Variants in FTSJ3 observed in about 807,000 individuals in gnomAD.
FTSJ3 encodes the protein pre-rRNA 2'-O-ribose RNA methyltransferase FTSJ3.
In FTSJ3, 46 loss-of-function variants were observed where a neutral mutation model predicts 111.5. The ratio of observed to expected loss-of-function variants is 0.41; its 90% CI spans 0.33 to 0.53. The LOEUF is 0.53. Ranked by LOEUF, FTSJ3 falls within the 20% of genes least tolerant of loss-of-function variation. FTSJ3 has a pLI of 0.19. For missense variants in FTSJ3, 1,075 were observed against 1,063.8 expected (o/e 1.01, Z -0.15); for synonymous variants, 408 against 383.0 (o/e 1.07, Z -0.76).
At position 63,820,102 on chromosome 17, in the gene FTSJ3, T is replaced by G. The variant is rs190641756; in HGVS notation, c.2328A>C (p.Arg776=). 22 of 1,614,152 alleles carry G rather than the reference T, an allele frequency of 1.4e-5. No homozygotes were observed. The African/African-American group carries it at 2.7e-4, about 20-fold the overall frequency. The part of the protein sequence containing the change: ...AVVNTVDISE[R]EKVAQLRSLY... ...ACCTTCGCAGCTGTGCCACTTTCTC[T>G]CGTTCTGAGATGTCCACTGTGTTCA... The change falls in exon 20 of 21, where the codon CGA becomes CGC. Residue 776 remains arginine (R), a synonymous_variant. Transcript: ENST00000427159.
intron 10 of FTSJ3, 95 bp downstream of exon 10, chr17:63,824,542 C>T: frequency 2.8e-6 from 4 of 1,432,346 alleles, no homozygotes; most frequent in South Asian, 1.1e-5. Flanking sequence ...CATCCCAAAC[C>T]TTTAGCACAG....
At chr17:63,826,767 G>T (rs1349969615) in intron 2 of FTSJ3, 69 bp downstream of exon 2, 23 of 1,572,674 alleles carry the variant, frequency 1.5e-5, no homozygotes, top group Non-Finnish European at 1.9e-5. Context: ...GTACATAATG[G>T]TCGCAAAGAG....
chr17:63,820,007 A>G lies in FTSJ3; in HGVS notation c.2352-13T>C. The G allele has an allele frequency of 1.2e-6, 2 of 1,613,930 alleles. No homozygotes were observed. Among genetic ancestry groups the G allele is most frequent in the Non-Finnish European group, 1.7e-6 (2 of 1,179,882 alleles). On this transcript the variant is annotated splice_polypyrimidine_tract_variant and intron_variant, in intron 20 of 20. Transcript: ENST00000427159. ...CTTCTTGTAGAGACTACAGGGGGGAAGAGAAGAGGTTAGAGGCTTGCTTTC... is the reference window on the plus strand; with the variant it reads ...CTTCTTGTAGAGACTACAGGGGGGAGGAGAAGAGGTTAGAGGCTTGCTTTC...
At chr17:63,823,241 CAAGT>C (rs567807076) in intron 13 of FTSJ3, among the ~76,000 whole-genome samples, 70 of 152,330 alleles carry the variant, frequency 4.6e-4, no homozygotes, top group African/African-American at 1.5e-3. Flanking sequence ...GCTTGAAACT[CAAGT>C]AACCTGGCAG....
Position 63,827,382 on chromosome 17 carries a change from C to T in FTSJ3, c.-357G>A. 1.4e-6 allele frequency: 2 copies of T among 1,477,454 alleles called. No individual in the cohort carries two copies. The highest frequency in any genetic ancestry group is 1.4e-5 in the African/African-American group (1 of 71,758). The allele number at this position is 1,477,454 out of a possible 1,614,324, so 91.5% of individuals were successfully genotyped here. A position where few individuals can be genotyped will look rare whatever the true frequency, so the allele number is the denominator to read the frequency against. ...AGTGTGGTCTCGCCGCACACCCCGC[C>T]CATTGACCCGGAATTCTTCTCTGCC... On this transcript the variant is annotated 5_prime_UTR_variant, in exon 1 of 21. Transcript: ENST00000427159.
Position 63,821,683 on chromosome 17 carries a change from G to C in FTSJ3, c.1596+40C>G, listed in dbSNP as rs754147480. The stretch of plus-strand genomic sequence containing the variant: ...CATCAGCTGCCCTTCTCCCAAGGAA[G>C]ACTCATCTCCCCGCAGTCTTGCCCC... On this transcript the variant is annotated intron_variant, in intron 15 of 20. Coordinates refer to ENST00000427159, the MANE Select transcript of FTSJ3 (RefSeq NM_017647.4). 2.6e-5 allele frequency: 42 copies of C among 1,614,058 alleles called. No individual in the cohort carries two copies. In the South Asian group the frequency reaches 3.1e-4, roughly 12 times the overall value.
At chr17:63,820,509 G>T in intron 18 of FTSJ3, 71 bp from the exon 19 acceptor site, 1 of 1,485,136 alleles carries the variant, frequency 6.7e-7, no homozygotes, top group Non-Finnish European at 9.3e-7. Flanking sequence ...GACTGGGCAC[G>T]GTGGCTCACG....
intron 5 of FTSJ3, 50 bp from the exon 6 acceptor site, chr17:63,825,685 G>C: frequency 2.0e-6 from 3 of 1,513,768 alleles, no homozygotes; most frequent in Non-Finnish European, 2.7e-6. Context: ...GAATGGCCCT[G>C]GTTCAGCCAT....
rs145737090 is a variant in FTSJ3, at chr17:63,826,400, G to A, written c.174-96C>T. On this transcript the variant is annotated intron_variant, in intron 3 of 20. Transcript: ENST00000427159. The stretch of plus-strand genomic sequence containing the variant: ...CCTGGTGTTACGTGTACTGGCCAAA[G>A]CATATCATAGGCACGTATTCCAAGC... 1.9e-4 allele frequency: 244 copies of A among 1,259,068 alleles called. No individual in the cohort carries two copies. The East Asian group carries it at 4.6e-3, about 24-fold the overall frequency. 78.0% of individuals were successfully genotyped at this position (1,259,068 alleles called of 1,614,324 possible).
chr17:63,823,891 C>G lies in FTSJ3; in HGVS notation c.1216G>C (p.Asp406His), dbSNP rs1287929626. 52 of 1,614,084 alleles carry G rather than the reference C, an allele frequency of 3.2e-5. No individual in the cohort carries two copies. Among genetic ancestry groups the G allele is most frequent in the Non-Finnish European group, 4.3e-5 (51 of 1,180,046 alleles). Residue 406 changes from aspartate to histidine, a missense_variant, in exon 13 of 21, where the codon GAT becomes CAT. Physicochemically the swap from Asp to His is moderately conservative, Grantham distance 81. Around this residue, in one of 2 missense-constraint regions of FTSJ3, gnomAD observed 867 missense variants for 796.9 expected, o/e 1.09. Transcript: ENST00000427159. ...TCTGCAATGGAAACCCCAGGCAGAT[C>G]CATCTTCAGCTCCACACGCTCCCGC... ...KQRERVELKM[D>H]LPGVSIADEG...
chr17:63,824,383 G>C lies in FTSJ3; in HGVS notation c.946C>G (p.Arg316Gly). The change falls in exon 11 of 21, where the codon CGG (arginine) becomes GGG (glycine). Residue 316 changes from arginine (R) to glycine (G), a missense_variant. Physicochemically the swap from Arg to Gly is moderately radical, Grantham distance 125. Coordinates refer to ENST00000427159, the MANE Select transcript of FTSJ3 (RefSeq NM_017647.4). ...RSLLNWRTKL[R>G]RYVAKKLKEQ... ...TTCAGCTTCTTGGCCACATATCGCC[G>C]AAGTTTTGTTCTCCAGTTTAGTAGC... 6.2e-7 allele frequency: 1 copy of C among 1,614,106 alleles called. No individual in the cohort carries two copies. The highest frequency in any genetic ancestry group is 8.5e-7 in the Non-Finnish European group (1 of 1,180,028).
chr17:63,824,394 C>T lies in FTSJ3; in HGVS notation c.935G>A (p.Arg312Lys). ...GGCCACATATCGCCGAAGTTTTGTTCTCCAGTTTAGTAGCGACCTGCCCCA... is the reference window on the plus strand; with the variant it reads ...GGCCACATATCGCCGAAGTTTTGTTTTCCAGTTTAGTAGCGACCTGCCCCA... ...RKELRSLLNW[R>K]TKLRRYVAKK... Residue 312 changes from arginine (R) to lysine (K), a missense_variant, in exon 11 of 21, where the codon AGA becomes AAA. This residue lies in a region of FTSJ3 where 867 missense variants were observed against 796.9 expected (regional missense o/e 1.09). Coordinates refer to ENST00000427159, the MANE Select transcript of FTSJ3 (RefSeq NM_017647.4). 6.2e-7 allele frequency: 1 copy of T among 1,614,128 alleles called. No individual in the cohort carries two copies.
Position 63,826,796 on chromosome 17 carries a change from A to ATCGC in FTSJ3, c.67+36_67+39dup, listed in dbSNP as rs749153138. The stretch of plus-strand genomic sequence containing the variant: ...CAAAGAGCAGGCGAACCGGGCAGAG[A>ATCGC]TCGCTCGCTCGCTCGCAGACTGAGC... On this transcript the variant is annotated intron_variant, in intron 2 of 20. Coordinates refer to ENST00000427159, the MANE Select transcript of FTSJ3 (RefSeq NM_017647.4). 102 of 1,604,732 alleles carry ATCGC rather than the reference A, an allele frequency of 6.4e-5. 1 individual carries two copies. The highest frequency in any genetic ancestry group is 2.3e-4 in the African/African-American group (17 of 74,716).
chr17:63,827,073 C>T lies in FTSJ3; in HGVS notation c.-48G>A, dbSNP rs149610842. The T allele has an allele frequency of 1.7e-3, 1,109 of 659,118 alleles. 2 individuals carry two copies. Among genetic ancestry groups the T allele is most frequent in the Middle Eastern group, 0.012 (34 of 2,908 alleles). The allele number at this position is 659,118 out of a possible 1,614,324, so 40.8% of individuals were successfully genotyped here. A position where few individuals can be genotyped will look rare whatever the true frequency, so the allele number is the denominator to read the frequency against. On this transcript the variant is annotated 5_prime_UTR_variant, in exon 1 of 21. It introduces an in-frame stop codon into an upstream open reading frame of the 5' UTR. Coordinates refer to ENST00000427159, the MANE Select transcript of FTSJ3 (RefSeq NM_017647.4). ...CTACCTAGACCCAGAGCCGCTTTCTCCACACTTGGAACCGCACAAGTATGC... is the reference window on the plus strand; with the variant it reads ...CTACCTAGACCCAGAGCCGCTTTCTTCACACTTGGAACCGCACAAGTATGC...
rs566462928 is a variant in FTSJ3 at position 63,827,065 on chromosome 17, C to A, written c.-40G>T. ...TCCGCACACTACCTAGACCCAGAGC[C>A]GCTTTCTCCACACTTGGAACCGCAC... On this transcript the variant is annotated 5_prime_UTR_variant, in exon 1 of 21. Transcript: ENST00000427159. 2.2e-5 allele frequency: 15 copies of A among 680,078 alleles called. No individual in the cohort carries two copies. The African/African-American group carries it at 2.3e-4, about 11-fold the overall frequency. The allele number at this position is 680,078 out of a possible 1,614,324, so 42.1% of individuals were successfully genotyped here.
Position 63,827,079 on chromosome 17 carries a change from T to C in FTSJ3, c.-54A>G. Reference sequence around the variant, plus strand: ...AGACCCAGAGCCGCTTTCTCCACACTTGGAACCGCACAAGTATGCAGCTAA... The same window carrying C: ...AGACCCAGAGCCGCTTTCTCCACACCTGGAACCGCACAAGTATGCAGCTAA... On this transcript the variant is annotated 5_prime_UTR_variant, in exon 1 of 21. Coordinates refer to ENST00000427159, the MANE Select transcript of FTSJ3 (RefSeq NM_017647.4). The C allele has an allele frequency of 1.6e-6, 1 of 636,476 alleles. No homozygotes were observed. Among genetic ancestry groups the C allele is most frequent in the Non-Finnish European group, 2.7e-6 (1 of 365,092 alleles). 39.4% of individuals were successfully genotyped at this position (636,476 alleles called of 1,614,324 possible).
In FTSJ3 at chr17:63,821,528, G is replaced by A; in HGVS notation, c.1712C>T (p.Pro571Leu). The change falls in exon 16 of 21, where the codon CCA (proline) becomes CTA (leucine). Residue 571 changes from proline to leucine, a missense_variant. Pro to Leu is a moderately conservative substitution (Grantham distance 98). Transcript: ENST00000427159. Reference sequence around the variant, plus strand: ...CTTCAAACAGGAAGGGGGTGTCTGTGGCAGCTGCTGCTTCTGCTGCTGCTG... The same window carrying A: ...CTTCAAACAGGAAGGGGGTGTCTGTAGCAGCTGCTGCTTCTGCTGCTGCTG... ...GRQQQQKQQL[P>L]QTPPSCLKTE... 6.2e-7 allele frequency: 1 copy of A among 1,614,074 alleles called. No homozygotes were observed. The highest frequency in any genetic ancestry group is 8.5e-7 in the Non-Finnish European group (1 of 1,180,020).
At chr17:63,824,049 T>TG (rs1238447063) in intron 12 of FTSJ3, 35 bp downstream of exon 12, 1 of 1,614,012 alleles carries the variant, frequency 6.2e-7, no homozygotes, top group African/African-American at 1.3e-5. Flanking sequence ...GTCCCTGCGT[T>TG]GGGGAACTCC....
In FTSJ3 at chr17:63,819,929, C is replaced by T. The variant is rs370085151; in HGVS notation, c.2417G>A (p.Gly806Asp). 1.9e-6 allele frequency: 3 copies of T among 1,614,238 alleles called. No homozygotes were observed. The highest frequency in any genetic ancestry group is 2.2e-5 in the East Asian group (1 of 44,886). Reference protein sequence around the residue: ...RHVTYVVAKKGVGRKVRRPAG... With the variant: ...RHVTYVVAKKDVGRKVRRPAG... ...TGGCCGGCGCACTTTGCGGCCCACA[C>T]CTTTTTTGGCTACAACGTAGGTGAC... The change falls in exon 21 of 21, where the codon GGT becomes GAT. Residue 806 changes from glycine to aspartate, a missense_variant. Around this residue, in one of 2 missense-constraint regions of FTSJ3, gnomAD observed 867 missense variants for 796.9 expected, o/e 1.09. Coordinates refer to ENST00000427159, the MANE Select transcript of FTSJ3 (RefSeq NM_017647.4).
Sources: gnomAD v4.1 joint callset for allele counts (sites outside exome capture counted in the v4.1 genomes callset) on GRCh38, gnomAD v4.1.1 for gene constraint, gnomAD v4.1.1 regional missense constraint, MANE v1.5 for transcripts, NCBI Gene and HGNC (gene_info 2026-07-23, HGNC 2026-07-21) for gene names.